Variants in ING5 observed in about 807,000 individuals in gnomAD.
ING5 encodes the protein inhibitor of growth protein 5.
ING5 carries 17 observed loss-of-function variants against 37.4 expected under a neutral mutation model. That is an observed-to-expected ratio of 0.45 (90% CI 0.31 to 0.68). ING5 has a LOEUF of 0.68. Ranked by LOEUF, ING5 falls within the 30% of genes least tolerant of loss-of-function variation. ING5 has a pLI of 0.05. For synonymous variants in ING5, 123 were observed against 116.6 expected (o/e 1.06, Z -0.36); for missense variants, 233 against 311.9 (o/e 0.75, Z 1.91).
upstream of ING5, among the ~76,000 whole-genome samples, chr2:241,697,226 G>A (rs533637334): frequency 3.6e-3 from 552 of 152,180 alleles, 1 homozygote; most frequent in Non-Finnish European, 6.5e-3. Context: ...ACAAGGCCAG[G>A]AGATCAAGAC....
At chr2:241,711,861 G>C in intron 4 of ING5, 117 bp from the exon 5 acceptor site, 1 of 912,332 alleles carries the variant, frequency 1.1e-6, no homozygotes, top group East Asian at 2.6e-5. Flanking sequence ...TGATTGCTCC[G>C]CTGCACTCCA....
chr2:241,696,414 C>T (rs1198842924), intron 2 of ING5, among the ~76,000 whole-genome samples: 1 of 151,344 alleles, frequency 6.6e-6, no homozygotes, highest in Non-Finnish European at 1.5e-5. Context: ...AAAACAAAAA[C>T]CCCCCAAAAC....
chr2:241,724,110 T>C (rs1691504623), intron 7 of ING5: 1 of 1,270,356 alleles, frequency 7.9e-7, no homozygotes, highest in East Asian at 3.8e-5. Flanking sequence ...AATGTGCTCT[T>C]CTGTGTGGCA....
intron 5 of ING5, chr2:241,721,795 A>C: frequency 1.0e-6 from 1 of 985,466 alleles, no homozygotes. Context: ...TAAAAGCGTA[A>C]ATTTCCCCCT....
intron 2 of ING5, among the ~76,000 whole-genome samples, chr2:241,705,427 T>A (rs2069879845): frequency 1.5e-5 from 2 of 133,958 alleles, no homozygotes; most frequent in African/African-American, 5.6e-5. Context: ...AGACAGAGTC[T>A]CACTCTGTTG....
chr2:241,721,277 G>C, intron 5 of ING5: 1 of 985,474 alleles, frequency 1.0e-6, no homozygotes, highest in Non-Finnish European at 1.2e-6. Flanking sequence ...GAGACCCGAA[G>C]ACTACTTGAG....
At chr2:241,687,537 T>C in exon 1 of ING5, 1 of 370,512 alleles carries the variant, frequency 2.7e-6, no homozygotes, top group Non-Finnish European at 4.7e-6. Flanking sequence ...TTGTTGTTTT[T>C]GTTTGTTTGA....
intron 5 of ING5, among the ~76,000 whole-genome samples, chr2:241,716,284 T>C: frequency 8.9e-6 from 1 of 111,914 alleles, no homozygotes; most frequent in Non-Finnish European, 1.7e-5. Flanking sequence ...AGCCATGCTT[T>C]TTTTTTTTTT....
At chr2:241,701,867 C>A (rs1322053080), upstream of ING5, among the ~76,000 whole-genome samples, 1 of 151,576 alleles carries the variant, frequency 6.6e-6, no homozygotes, top group Non-Finnish European at 1.5e-5. Context: ...GCTCGCTGCC[C>A]GACGCCGCTG....
intron 5 of ING5, among the ~76,000 whole-genome samples, chr2:241,715,028 T>C (rs1470816479): frequency 2.0e-5 from 3 of 152,210 alleles, no homozygotes; most frequent in Non-Finnish European, 4.4e-5. Flanking sequence ...GCCTATACTA[T>C]TCTAGCTTTT....
chr2:241,709,268 G>A lies in ING5; in HGVS notation c.162G>A (p.Lys54=). Residue 54 remains lysine (K), a synonymous_variant, in exon 3 of 8, where the codon AAG becomes AAA. Transcript: ENST00000313552. Reference sequence around the variant, plus strand: ...CTGCAGAGTACATCTCCACGGTGAAGACGCTGTCTCCAGACCAGCGCGTGG... The same window carrying A: ...CTGCAGAGTACATCTCCACGGTGAAAACGCTGTCTCCAGACCAGCGCGTGG... ...ILAAEYISTV[K]TLSPDQRVER... 6.2e-7 allele frequency: 1 copy of A among 1,614,106 alleles called. No individual in the cohort carries two copies. Among genetic ancestry groups the A allele is most frequent in the South Asian group, 1.1e-5 (1 of 91,070 alleles).
intron 6 of ING5, 39 bp from the exon 7 acceptor site, chr2:241,723,171 T>C (rs573387064): frequency 1.2e-6 from 2 of 1,613,628 alleles, no homozygotes; most frequent in South Asian, 1.1e-5. Flanking sequence ...ATACAGAACA[T>C]GAGGCGTGTT....
chr2:241,705,403 T>TC (rs2069878168), intron 2 of ING5, among the ~76,000 whole-genome samples: 2 of 142,248 alleles, frequency 1.4e-5, no homozygotes, highest in Admixed American at 7.2e-5. Context: ...TCTTTTTTTT[T>TC]TTTTTTTTTT....
At chr2:241,722,757 T>C in intron 5 of ING5, 182 bp from the exon 6 acceptor site, 21 of 985,228 alleles carry the variant, frequency 2.1e-5, no homozygotes, top group Non-Finnish European at 2.4e-5. Context: ...ATGGGAAAAA[T>C]GGAAGCAAGC....
intron 5 of ING5, chr2:241,719,418 A>G: frequency 1.2e-6 from 1 of 818,758 alleles, no homozygotes; most frequent in African/African-American, 1.7e-5. Context: ...GTTGCTCCAC[A>G]GCTCCCCGAC....
At position 241,725,241 on chromosome 2, in the gene ING5, G is replaced by C. The variant is rs1691567581; in HGVS notation, c.*210G>C. ...GCAGGGACTCGCCGCCGCGACCTCA[G>C]TGTGGCTTTTACAGGACTCCCCCCG... On this transcript the variant is annotated 3_prime_UTR_variant, in exon 8 of 8. Coordinates refer to ENST00000313552, the MANE Select transcript of ING5 (RefSeq NM_032329.6). 1 of 598,704 alleles carries C rather than the reference G, an allele frequency of 1.7e-6. No homozygotes were observed. The highest frequency in any genetic ancestry group is 2.9e-5 in the East Asian group (1 of 34,470). 37.1% of individuals were successfully genotyped at this position (598,704 alleles called of 1,614,324 possible). A position where few individuals can be genotyped will look rare whatever the true frequency, so the allele number is the denominator to read the frequency against.
chr2:241,704,221 G>A (rs1341759949), intron 1 of ING5, among the ~76,000 whole-genome samples: 1 of 152,080 alleles, frequency 6.6e-6, no homozygotes, highest in Non-Finnish European at 1.5e-5. Context: ...CAGTCCTTCC[G>A]CTCCGCAAAC....
intron 5 of ING5, among the ~76,000 whole-genome samples, chr2:241,713,345 ATCACAC>A (rs2070174950): frequency 6.8e-6 from 1 of 146,708 alleles, no homozygotes; most frequent in Admixed American, 6.9e-5. Flanking sequence ...GGCATGAGCC[ATCACAC>A]CCGACCCAAT....
upstream of ING5, among the ~76,000 whole-genome samples, chr2:241,699,168 G>A (rs1559296727): frequency 6.6e-6 from 1 of 151,366 alleles, no homozygotes; most frequent in East Asian, 1.9e-4. Context: ...GAGATTGCAG[G>A]CCCATGCCCA....
Sources: allele counts gnomAD v4.1 joint callset (sites outside exome capture counted in the v4.1 genomes callset), GRCh38; gene constraint gnomAD v4.1.1; transcripts MANE v1.5; gene names NCBI Gene and HGNC (gene_info 2026-07-23, HGNC 2026-07-21).